CDK14: variants seen among roughly 807,000 people sequenced by gnomAD.
CDK14 encodes the protein cyclin-dependent kinase 14.
In CDK14, 34 loss-of-function variants were observed where a neutral mutation model predicts 60.7. That is an observed-to-expected ratio of 0.56 (90% CI 0.43 to 0.75). CDK14 has a LOEUF of 0.75. Ranked by LOEUF, CDK14 falls within the 30% of genes least tolerant of loss-of-function variation. The probability of loss-of-function intolerance (pLI) is 0.00; values close to 1 mark genes in which losing one functional copy is unlikely to be tolerated. For synonymous variants in CDK14, 197 were observed against 203.7 expected (o/e 0.97, Z 0.28); for missense variants, 482 against 564.1 (o/e 0.85, Z 1.47).
intron 5 of CDK14, among the ~76,000 whole-genome samples, chr7:90,811,173 A>G (rs1353433519): frequency 2.6e-5 from 4 of 152,226 alleles, no homozygotes; most frequent in African/African-American, 9.6e-5. Context: ...ATCCTAAGAC[A>G]AAAGAACAAA....
chr7:90,731,917 CG>C (rs1257246381), intron 3 of CDK14, among the ~76,000 whole-genome samples: 3 of 151,902 alleles, frequency 2.0e-5, no homozygotes, highest in Admixed American at 6.6e-5. Context: ...TGTCTTGTGC[CG>C]GTTTTCAAAG....
chr7:90,797,130 G>C (rs1471574522), intron 5 of CDK14, among the ~76,000 whole-genome samples: 1 of 151,606 alleles, frequency 6.6e-6, no homozygotes, highest in African/African-American at 2.4e-5. Context: ...AGTTTGCTAG[G>C]GCTGCTGAAA....
In CDK14 at chr7:91,208,761, G is replaced by A. The variant is rs1211091479; in HGVS notation, c.*1625G>A. The A allele has an allele frequency of 1.3e-5, 2 of 152,532 alleles. No individual in the cohort carries two copies. The highest frequency in any genetic ancestry group is 4.8e-5 in the African/African-American group (2 of 41,438). 9.4% of individuals were successfully genotyped at this position (152,532 alleles called of 1,614,324 possible). A position where few individuals can be genotyped will look rare whatever the true frequency, so the allele number is the denominator to read the frequency against. The stretch of plus-strand genomic sequence containing the variant: ...AATTCCTAAACTTTAAAATGGTACT[G>A]TCTGCGGAGTGGAGTATGGATGGTT... On this transcript the variant is annotated 3_prime_UTR_variant, in exon 15 of 15. Transcript: ENST00000380050.
chr7:90,708,097 A>G (rs957395348), intron 2 of CDK14, among the ~76,000 whole-genome samples: 18 of 152,220 alleles, frequency 1.2e-4, no homozygotes, highest in African/African-American at 4.3e-4. Flanking sequence ...TAGCCCTAAA[A>G]TTTGGAGTTG....
intron 5 of CDK14, among the ~76,000 whole-genome samples, chr7:90,861,262 A>G (rs1584056462): frequency 6.6e-6 from 1 of 152,300 alleles, no homozygotes. Flanking sequence ...AGGACAATTA[A>G]TGATGCCTTT....
chr7:91,096,271 T>A (rs1188936321), intron 12 of CDK14, among the ~76,000 whole-genome samples: 3 of 152,118 alleles, frequency 2.0e-5, no homozygotes, highest in Non-Finnish European at 2.9e-5. Context: ...GCATCTCCTG[T>A]CTTGGGCTCT....
At chr7:91,089,247 C>T (rs1053573939) in intron 12 of CDK14, among the ~76,000 whole-genome samples, 1 of 152,112 alleles carries the variant, frequency 6.6e-6, no homozygotes, top group African/African-American at 2.4e-5. Flanking sequence ...AGCCTCTCCT[C>T]CCTAGTTAAA....
chr7:90,799,986 A>C (rs1788577488), intron 5 of CDK14, among the ~76,000 whole-genome samples: 1 of 152,178 alleles, frequency 6.6e-6, no homozygotes, highest in Non-Finnish European at 1.5e-5. Flanking sequence ...GGAAAGGAAC[A>C]AATAGATTCA....
intron 5 of CDK14, among the ~76,000 whole-genome samples, chr7:90,802,114 A>G (rs923385654): frequency 6.6e-6 from 1 of 152,180 alleles, no homozygotes; most frequent in Admixed American, 6.5e-5. Context: ...ATTTGTTTCC[A>G]TTTGTGTTTT....
intron 10 of CDK14, among the ~76,000 whole-genome samples, chr7:91,008,150 C>CAAAAAAAAAAAAAAA (rs1197897771): frequency 1.1e-5 from 1 of 89,548 alleles, no homozygotes; most frequent in African/African-American, 4.1e-5. Context: ...AAAAAACAAA[C>CAAAAAAAAAAAAAAA]AAAAAAAAAC....
At chr7:90,650,191 G>A (rs1014956248) in intron 2 of CDK14, among the ~76,000 whole-genome samples, 3 of 152,170 alleles carry the variant, frequency 2.0e-5, no homozygotes, top group African/African-American at 7.2e-5. Flanking sequence ...GTTTTGATTT[G>A]CATTTCTCTG....
chr7:90,731,632 C>T (rs958472646), intron 3 of CDK14, among the ~76,000 whole-genome samples: 6 of 147,326 alleles, frequency 4.1e-5, no homozygotes, highest in Non-Finnish European at 4.7e-5. Context: ...CATGATTTGG[C>T]TGTCTGTTTG....
intron 2 of CDK14, among the ~76,000 whole-genome samples, chr7:90,724,541 TTTC>T (rs1237793792): frequency 2.0e-5 from 3 of 151,862 alleles, no homozygotes; most frequent in Non-Finnish European, 4.4e-5. Context: ...CTTTGAGACT[TTTC>T]TTCTTTTCTC....
rs1803520046 is a variant in CDK14 at position 90,744,797 on chromosome 7, CG to C, written c.370-2882del. On this transcript the variant is annotated intron_variant, in intron 3 of 14. Coordinates refer to ENST00000380050, the MANE Select transcript of CDK14 (RefSeq NM_001287135.2). ...CCCCCCACCTCCCTGCCGGACGGGG[CG>C]GCTGGCCGGGCGGGGGGCTGACGCC... Among the ~76,000 whole-genome samples the C allele has an allele frequency of 1.7e-5, 2 of 118,384 alleles. 1 individual carries two copies. Among genetic ancestry groups the C allele is most frequent in the South Asian group, 6.4e-4 (2 of 3,126 alleles). The allele number at this position is 118,384 out of a possible 152,430, so 77.7% of individuals were successfully genotyped here. A position where few individuals can be genotyped will look rare whatever the true frequency, so the allele number is the denominator to read the frequency against.
At chr7:90,809,111 C>G (rs961539161) in intron 5 of CDK14, among the ~76,000 whole-genome samples, 3 of 152,128 alleles carry the variant, frequency 2.0e-5, no homozygotes, top group Non-Finnish European at 4.4e-5. Context: ...CAGCTCTACA[C>G]CAAGTGGACC....
At chr7:91,171,465 G>T (rs1298062168) in intron 14 of CDK14, among the ~76,000 whole-genome samples, 1 of 152,122 alleles carries the variant, frequency 6.6e-6, no homozygotes, top group Non-Finnish European at 1.5e-5. Flanking sequence ...TTAGTATGTA[G>T]AATAATGTTT....
In CDK14 at chr7:90,922,198, G is replaced by T. The variant is rs913205326; in HGVS notation, c.826+4474G>T. On this transcript the variant is annotated intron_variant, in intron 8 of 14. Coordinates refer to ENST00000380050, the MANE Select transcript of CDK14 (RefSeq NM_001287135.2). ...TTAGATATAACTTAGCTCATTTGTT[G>T]TGGCCTGCCGGATTCAATTTTACTG... 4.6e-5 allele frequency among the ~76,000 whole-genome samples: 7 copies of T among 152,096 alleles called. No individual in the cohort carries two copies. The South Asian group carries it at 6.2e-4, about 14-fold the overall frequency.
intron 9 of CDK14, among the ~76,000 whole-genome samples, chr7:90,966,114 G>C (rs1318375634): frequency 6.6e-6 from 1 of 151,922 alleles, no homozygotes; most frequent in African/African-American, 2.4e-5. Flanking sequence ...CATCCTCTCT[G>C]TCGTCACTTT....
At chr7:90,727,827 A>G (rs1262865954) in intron 3 of CDK14, among the ~76,000 whole-genome samples, 2 of 152,090 alleles carry the variant, frequency 1.3e-5, no homozygotes, top group Admixed American at 1.3e-4. Flanking sequence ...CTCTAATCCT[A>G]TAGTCATAAG....
Sources: allele counts gnomAD v4.1 joint callset (sites outside exome capture counted in the v4.1 genomes callset), GRCh38; gene constraint gnomAD v4.1.1; transcripts MANE v1.5; gene names NCBI Gene and HGNC (gene_info 2026-07-23, HGNC 2026-07-21).